Variants in UBE2H observed in about 807,000 individuals in gnomAD.
The protein encoded by UBE2H is ubiquitin-conjugating enzyme E2 H.
UBE2H carries 3 observed loss-of-function variants against 29.0 expected under a neutral mutation model. The ratio of observed to expected loss-of-function variants is 0.10; its 90% confidence interval spans 0.05 to 0.27. UBE2H has a LOEUF of 0.27. UBE2H is among the 10% of genes least tolerant of loss of function. UBE2H has a pLI of 1.00. For synonymous variants in UBE2H, 69 were observed against 82.9 expected (o/e 0.83, Z 0.91); for missense variants, 68 against 228.2 (o/e 0.30, Z 4.52).
Position 129,850,909 on chromosome 7 carries a change from AAGAAGAGAAAAG to A in UBE2H, c.298+6590_298+6601del, listed in dbSNP as rs556847221. Reference sequence around the variant, plus strand: ...GAAAGGAGAGAGAGAGAAAGAAAGAAAGAAGAGAAAAGAGAAGAGAAAAGATAGATGGACAGA... The same window carrying A: ...GAAAGGAGAGAGAGAGAAAGAAAGAAAGAAGAGAAAAGATAGATGGACAGA... On this transcript the variant is annotated intron_variant, in intron 5 of 6. Coordinates refer to ENST00000355621, the MANE Select transcript of UBE2H (RefSeq NM_003344.4). 2.3e-3 allele frequency among the ~76,000 whole-genome samples: 342 copies of A among 151,902 alleles called. 3 individuals carry two copies. Among genetic ancestry groups the A allele is most frequent in the East Asian group, 0.02 (105 of 5,132 alleles).
chr7:129,900,996 C>T (rs566115450), intron 1 of UBE2H, among the ~76,000 whole-genome samples: 1 of 152,216 alleles, frequency 6.6e-6, no homozygotes, highest in Admixed American at 6.5e-5. Flanking sequence ...ATGATCCACT[C>T]GCCTTGGCCT....
chr7:129,952,701 GC>G lies in UBE2H; in HGVS notation c.-147del, dbSNP rs71175052. ...GGCGGTCCCGTCAGCCGCCGCCGCC[GC>G]CCCCCGCACGGGGGAACACCGGGCA... On this transcript the variant is annotated 5_prime_UTR_variant, in exon 1 of 7. Transcript: ENST00000355621. The G allele has an allele frequency of 4.1e-6, 3 of 736,874 alleles. No homozygotes were observed. Among genetic ancestry groups the G allele is most frequent in the Non-Finnish European group, 3.9e-6 (2 of 515,690 alleles). The allele number at this position is 736,874 out of a possible 1,614,324, so 45.6% of individuals were successfully genotyped here.
At chr7:129,949,836 A>C (rs1400075547) in intron 1 of UBE2H, among the ~76,000 whole-genome samples, 4 of 152,186 alleles carry the variant, frequency 2.6e-5, no homozygotes, top group Admixed American at 6.5e-5. Context: ...GGAGACATCC[A>C]AAAATGGGCT....
chr7:129,940,552 G>C (rs1174168669), intron 1 of UBE2H, among the ~76,000 whole-genome samples: 3 of 152,090 alleles, frequency 2.0e-5, no homozygotes, highest in African/African-American at 7.2e-5. Context: ...TTCTCTGCAG[G>C]GACAGGTCAG....
chr7:129,921,077 G>C (rs1807152679), intron 1 of UBE2H, among the ~76,000 whole-genome samples: 1 of 151,188 alleles, frequency 6.6e-6, no homozygotes, highest in African/African-American at 2.4e-5. Flanking sequence ...AGCTAACATT[G>C]GTGTGCTTAT....
intron 3 of UBE2H, among the ~76,000 whole-genome samples, chr7:129,871,102 TTTTGC>T (rs1350406126): frequency 2.0e-5 from 3 of 152,214 alleles, no homozygotes; most frequent in Non-Finnish European, 2.9e-5. Context: ...AAGTTTTAAA[TTTTGC>T]TTTATCTTCG....
intron 1 of UBE2H, among the ~76,000 whole-genome samples, chr7:129,888,122 C>T (rs2631601): frequency 0.88 from 134,466 of 152,210 alleles, 59,542 homozygotes; most frequent in South Asian, 0.97. Context: ...TCATGTCCAA[C>T]AGAAAGGCTC....
intron 5 of UBE2H, among the ~76,000 whole-genome samples, chr7:129,854,589 G>T (rs760013446): frequency 6.6e-6 from 1 of 152,162 alleles, no homozygotes; most frequent in Non-Finnish European, 1.5e-5. Context: ...TGCTTTGCAA[G>T]CTAATGTAAG....
At chr7:129,883,752 G>A (rs1806301322) in intron 1 of UBE2H, among the ~76,000 whole-genome samples, 1 of 152,204 alleles carries the variant, frequency 6.6e-6, no homozygotes, top group Non-Finnish European at 1.5e-5. Context: ...TGAAGCAGGA[G>A]AATCGCTTGA....
chr7:129,880,714 A>C (rs765344454), intron 2 of UBE2H, among the ~76,000 whole-genome samples, 181 bp downstream of exon 2: 2 of 152,174 alleles, frequency 1.3e-5, no homozygotes, highest in African/African-American at 4.8e-5. Context: ...TCCCCTACAG[A>C]TATCAAGGGA....
intron 1 of UBE2H, 133 bp downstream of exon 1, chr7:129,952,370 G>T: frequency 8.8e-7 from 1 of 1,129,950 alleles, no homozygotes; most frequent in Non-Finnish European, 1.2e-6. Context: ...GCCGCCGTAG[G>T]CACTGGGGGA....
At chr7:129,853,862 T>C (rs144280356) in intron 5 of UBE2H, among the ~76,000 whole-genome samples, 208 of 152,272 alleles carry the variant, frequency 1.4e-3, no homozygotes, top group Non-Finnish European at 2.7e-3. Context: ...GCTACAAATA[T>C]GTATACCCAC....
chr7:129,947,384 T>A (rs3817530), intron 1 of UBE2H, among the ~76,000 whole-genome samples: 1 of 151,616 alleles, frequency 6.6e-6, no homozygotes, highest in Non-Finnish European at 1.5e-5. Flanking sequence ...TAAAACAGAG[T>A]CCACTGGAAA....
chr7:129,939,031 T>G (rs530902761), intron 1 of UBE2H, among the ~76,000 whole-genome samples: 9 of 152,124 alleles, frequency 5.9e-5, no homozygotes, highest in Non-Finnish European at 8.8e-5. Flanking sequence ...ACTCCTGACC[T>G]CAGGTGATCT....
chr7:129,870,921 T>G (rs1056783729), intron 3 of UBE2H, among the ~76,000 whole-genome samples: 6 of 152,216 alleles, frequency 3.9e-5, no homozygotes, highest in Non-Finnish European at 7.3e-5. Flanking sequence ...TCAAAATTTC[T>G]TCTGCCTGGA....
Position 129,884,650 on chromosome 7 carries a change from T to C in UBE2H, c.54-3679A>G, listed in dbSNP as rs146737315. On this transcript the variant is annotated intron_variant, in intron 1 of 6. Transcript: ENST00000355621. ...CTCTGTCATTCAGGCTACAGTGCAG[T>C]AGCATGATCACGGCTCACTGCAGTC... 3.6e-3 allele frequency among the ~76,000 whole-genome samples: 540 copies of C among 151,280 alleles called. 3 individuals are homozygous for C. Among genetic ancestry groups the C allele is most frequent in the African/African-American group, 0.012 (483 of 41,198 alleles).
chr7:129,936,183 A>G (rs1807523543), intron 1 of UBE2H, among the ~76,000 whole-genome samples: 1 of 152,252 alleles, frequency 6.6e-6, no homozygotes, highest in Non-Finnish European at 1.5e-5. Flanking sequence ...CATTTAAGAA[A>G]TAAAACTGCC....
intron 2 of UBE2H, 66 bp downstream of exon 2, chr7:129,880,829 G>T: frequency 7.0e-7 from 1 of 1,433,052 alleles, no homozygotes; most frequent in South Asian, 1.2e-5. Context: ...ATCTGTCTTT[G>T]ATATTCTATT....
intron 5 of UBE2H, among the ~76,000 whole-genome samples, chr7:129,856,698 A>G (rs1485604916): frequency 5.3e-5 from 8 of 152,150 alleles, no homozygotes; most frequent in Non-Finnish European, 5.9e-5. Context: ...TACACAACTG[A>G]CCCTTGAACA....
Sources: allele counts gnomAD v4.1 joint callset (sites outside exome capture counted in the v4.1 genomes callset), GRCh38; gene constraint gnomAD v4.1.1; transcripts MANE v1.5; gene names NCBI Gene and HGNC (gene_info 2026-07-23, HGNC 2026-07-21).